PLD1: variants seen among roughly 807,000 people sequenced by gnomAD.
PLD1 encodes choline phosphatase 1.
PLD1 carries 112 observed loss-of-function variants against 137.1 expected under a neutral mutation model. That is an observed-to-expected ratio of 0.82 (90% CI 0.70 to 0.96). PLD1 has a LOEUF of 0.96. Ranked by LOEUF, PLD1 falls within the 40% of genes least tolerant of loss-of-function variation. The pLI, the probability that PLD1 is intolerant of heterozygous loss-of-function variation, is 0.00. For missense variants in PLD1, 1,321 were observed against 1,342.0 expected (o/e 0.98, Z 0.24); for synonymous variants, 431 against 454.7 (o/e 0.95, Z 0.66).
chr3:171,764,913 A>AAGGAAGG (rs869083525), intron 1 of PLD1, among the ~76,000 whole-genome samples: 1 of 31,570 alleles, frequency 3.2e-5, no homozygotes, highest in Non-Finnish European at 7.3e-5. Context: ...GGAAGGAAGG[A>AAGGAAGG]AAGAAAGAAA....
chr3:171,642,225 C>T (rs1578171105), intron 23 of PLD1, among the ~76,000 whole-genome samples: 1 of 151,910 alleles, frequency 6.6e-6, no homozygotes, highest in African/African-American at 2.4e-5. Flanking sequence ...GAGGCTGTGG[C>T]GGGTGGATCA....
At chr3:171,641,555 T>C (rs530836215) in intron 23 of PLD1, among the ~76,000 whole-genome samples, 1 of 152,326 alleles carries the variant, frequency 6.6e-6, no homozygotes, top group African/African-American at 2.4e-5. Flanking sequence ...TTCAGGTTTA[T>C]ATTCTATCTG....
chr3:171,632,835 A>C lies in PLD1; in HGVS notation c.2593+10005T>G, dbSNP rs1338111695. ...TCATATTCGTAATTTTCTAAAGCAC[A>C]TCTATGTGCCATGCCAAAGCAGGCC... On this transcript the variant is annotated intron_variant, in intron 23 of 26. Transcript: ENST00000351298. Among the ~76,000 whole-genome samples, 5 of 152,352 alleles carry C rather than the reference A, an allele frequency of 3.3e-5. 1 individual carries two copies. Among genetic ancestry groups the C allele is most frequent in the African/African-American group, 1.2e-4 (5 of 41,590 alleles).
intron 1 of PLD1, among the ~76,000 whole-genome samples, chr3:171,739,352 T>G (rs1031146318): frequency 1.3e-5 from 2 of 152,206 alleles, no homozygotes; most frequent in African/African-American, 4.8e-5. Context: ...AGAGACTGTG[T>G]TTGGAAATTC....
Position 171,752,936 on chromosome 3 carries a change from C to G in PLD1, c.-31-14854G>C, listed in dbSNP as rs570638677. 2.0e-5 allele frequency among the ~76,000 whole-genome samples: 3 copies of G among 152,278 alleles called. No homozygotes were observed. The East Asian group carries it at 5.8e-4, about 29-fold the overall frequency. On this transcript the variant is annotated intron_variant, in intron 1 of 26. Coordinates refer to ENST00000351298, the MANE Select transcript of PLD1 (RefSeq NM_002662.5). ...ATGATGATCTAGGCATTCATTTGGT[C>G]CAACCTCTTCAATGCACTGAGAAGA...
At chr3:171,700,334 A>ACTCT (rs55951070) in intron 11 of PLD1, among the ~76,000 whole-genome samples, 1 of 111,458 alleles carries the variant, frequency 9.0e-6, no homozygotes, top group Non-Finnish European at 2.0e-5. Context: ...ACACACACAC[A>ACTCT]CTCTCTCTCT....
chr3:171,679,444 T>C (rs1290071017), intron 16 of PLD1, among the ~76,000 whole-genome samples: 2 of 152,196 alleles, frequency 1.3e-5, no homozygotes, highest in Admixed American at 6.5e-5. Context: ...ATAGGCTCTT[T>C]ATTGTTTACA....
chr3:171,696,230 A>G (rs1715678641), intron 12 of PLD1, among the ~76,000 whole-genome samples: 1 of 152,202 alleles, frequency 6.6e-6, no homozygotes. Flanking sequence ...TGGCTGCCAT[A>G]AGTATGATGC....
chr3:171,688,673 T>C lies in PLD1; in HGVS notation c.1539+3A>G. On this transcript the variant is annotated splice_donor_region_variant and intron_variant, in intron 14 of 26. Transcript: ENST00000351298. Reference sequence around the variant, plus strand: ...CATTTCCATAAAGGTTAAATATACTTACTGGGAGGGAACCCAGAGACGGTC... The same window carrying C: ...CATTTCCATAAAGGTTAAATATACTCACTGGGAGGGAACCCAGAGACGGTC... 6.2e-7 allele frequency: 1 copy of C among 1,605,050 alleles called. No individual in the cohort carries two copies. Among genetic ancestry groups the C allele is most frequent in the South Asian group, 1.1e-5 (1 of 90,900 alleles).
At chr3:171,799,395 A>G (rs1723561060) in intron 1 of PLD1, among the ~76,000 whole-genome samples, 1 of 151,698 alleles carries the variant, frequency 6.6e-6, no homozygotes, top group South Asian at 2.1e-4. Flanking sequence ...CTTGCCTGCA[A>G]CTAAAACTAC....
At chr3:171,623,644 T>A (rs890433582) in intron 23 of PLD1, among the ~76,000 whole-genome samples, 1 of 149,574 alleles carries the variant, frequency 6.7e-6, no homozygotes, top group Non-Finnish European at 1.5e-5. Flanking sequence ...TATTAACACA[T>A]ACTATAAAGT....
At chr3:171,803,304 G>T (rs1406738240) in intron 1 of PLD1, among the ~76,000 whole-genome samples, 1 of 152,188 alleles carries the variant, frequency 6.6e-6, no homozygotes. Context: ...CAGAATCACT[G>T]TGACGGTTGA....
intron 16 of PLD1, 98 bp from the exon 17 acceptor site, chr3:171,677,792 A>T: frequency 8.3e-7 from 1 of 1,206,992 alleles, no homozygotes; most frequent in African/African-American, 1.5e-5. Flanking sequence ...AAGCTTCTTA[A>T]TTTCTTAAGA....
chr3:171,714,159 C>T (rs1398410134), intron 8 of PLD1, 114 bp from the exon 9 acceptor site: 1 of 626,102 alleles, frequency 1.6e-6, no homozygotes, highest in Non-Finnish European at 2.7e-6. Flanking sequence ...GACATAATTA[C>T]ATTTTCTACA....
Position 171,776,348 on chromosome 3 carries a change from T to C in PLD1, c.-32+34051A>G, listed in dbSNP as rs1722591213. Among the ~76,000 whole-genome samples the C allele has an allele frequency of 5.9e-5, 9 of 152,196 alleles. 1 individual carries two copies. The South Asian group carries it at 1.9e-3, about 31-fold the overall frequency. ...TGGGCACAGTGGGTGCCCACCCAAA[T>C]GATGAGTTGCACTTCTCTCCAGGCT... On this transcript the variant is annotated intron_variant, in intron 1 of 26. Transcript: ENST00000351298.
intron 23 of PLD1, among the ~76,000 whole-genome samples, chr3:171,632,478 G>A (rs1734752389): frequency 6.6e-6 from 1 of 151,856 alleles, no homozygotes; most frequent in South Asian, 2.1e-4. Context: ...CATTTATTTT[G>A]ATATTTGAAC....
At chr3:171,761,930 A>G (rs1416134659) in intron 1 of PLD1, among the ~76,000 whole-genome samples, 1 of 152,208 alleles carries the variant, frequency 6.6e-6, no homozygotes, top group African/African-American at 2.4e-5. Flanking sequence ...ATATCTATAC[A>G]TACTCCATGA....
chr3:171,623,745 T>C (rs78372773), intron 23 of PLD1, among the ~76,000 whole-genome samples: 5,210 of 151,968 alleles, frequency 0.034, 327 homozygotes, highest in African/African-American at 0.12. Flanking sequence ...TGCAAATACA[T>C]AAGGAAAATT....
chr3:171,696,235 T>C (rs1485356290), intron 12 of PLD1, among the ~76,000 whole-genome samples: 1 of 152,224 alleles, frequency 6.6e-6, no homozygotes, highest in Non-Finnish European at 1.5e-5. Flanking sequence ...GCCATAAGTA[T>C]GATGCAGCTT....
Sources: gnomAD v4.1 joint callset for allele counts (sites outside exome capture counted in the v4.1 genomes callset) on GRCh38, gnomAD v4.1.1 for gene constraint, MANE v1.5 for transcripts, NCBI Gene and HGNC (gene_info 2026-07-23, HGNC 2026-07-21) for gene names.